Variants in STAG1 observed in about 807,000 individuals in gnomAD.
STAG1 encodes the protein STAG1 cohesin complex component.
Under a neutral mutation model 170.9 loss-of-function variants are expected in STAG1, and 26 were observed. That is an observed-to-expected ratio of 0.15 (90% CI 0.11 to 0.21). STAG1 has a LOEUF of 0.21. Ranked by LOEUF, STAG1 falls within the 10% of genes least tolerant of loss-of-function variation. STAG1 has a pLI of 1.00. For missense variants in STAG1, 964 were observed against 1,509.5 expected, an observed-to-expected ratio of 0.64 and a Z score of 5.99; for synonymous variants, 514 against 497.7, an observed-to-expected ratio of 1.03 and a Z score of -0.44.
intron 1 of STAG1, among the ~76,000 whole-genome samples, chr3:136,735,499 T>G (rs1934282939): frequency 6.6e-6 from 1 of 151,968 alleles, no homozygotes; most frequent in Admixed American, 6.6e-5. Context: ...TGCACTGGCA[T>G]GATCTCAGCT....
chr3:136,470,092 A>G (rs2089585196), intron 12 of STAG1, among the ~76,000 whole-genome samples: 1 of 152,276 alleles, frequency 6.6e-6, no homozygotes, highest in Admixed American at 6.5e-5. Context: ...CTTCATGTCT[A>G]AAACACCAAA....
chr3:136,440,131 A>G (rs931834876), intron 15 of STAG1, among the ~76,000 whole-genome samples: 6 of 152,122 alleles, frequency 3.9e-5, no homozygotes, highest in Admixed American at 3.9e-4. Context: ...GTCTTAATTT[A>G]TATATTTATT....
intron 5 of STAG1, among the ~76,000 whole-genome samples, chr3:136,552,234 A>T (rs941874966): frequency 5.9e-5 from 9 of 152,262 alleles, no homozygotes; most frequent in African/African-American, 2.2e-4. Context: ...TAAATATGCA[A>T]ATTATGCCAA....
intron 22 of STAG1, among the ~76,000 whole-genome samples, chr3:136,386,564 G>A (rs2086878747): frequency 6.6e-6 from 1 of 152,178 alleles, no homozygotes; most frequent in Non-Finnish European, 1.5e-5. Flanking sequence ...TACAGTCAGT[G>A]AGGAAAGGTA....
At chr3:136,541,975 T>C in intron 6 of STAG1, 144 bp downstream of exon 6, 1 of 629,474 alleles carries the variant, frequency 1.6e-6, no homozygotes, top group Admixed American at 3.1e-5. Context: ...ATTTTGGAAT[T>C]AGTACCACAG....
chr3:136,694,619 A>G (rs1242654557), intron 1 of STAG1, among the ~76,000 whole-genome samples: 1 of 152,048 alleles, frequency 6.6e-6, no homozygotes, highest in Non-Finnish European at 1.5e-5. Context: ...TCTTTAAAAA[A>G]AAAAAAAAAA....
chr3:136,531,511 A>G (rs1935364955), intron 6 of STAG1, among the ~76,000 whole-genome samples: 2 of 149,774 alleles, frequency 1.3e-5, no homozygotes, highest in South Asian at 4.3e-4. Context: ...GAACCAACCC[A>G]AATGTCCAAC....
chr3:136,551,210 A>AGAGT (rs58810636), intron 5 of STAG1, among the ~76,000 whole-genome samples: 580 of 24,086 alleles, frequency 0.024, 3 homozygotes, highest in African/African-American at 0.05. Flanking sequence ...AGAGAGAGTG[A>AGAGT]GAGAGAGAGA....
At chr3:136,615,330 T>C (rs1939530135) in intron 3 of STAG1, among the ~76,000 whole-genome samples, 1 of 149,436 alleles carries the variant, frequency 6.7e-6, no homozygotes, top group South Asian at 2.1e-4. Context: ...ATTAGGTTAG[T>C]TGAAGATACC....
intron 21 of STAG1, among the ~76,000 whole-genome samples, chr3:136,413,468 T>TA (rs2087686619): frequency 6.6e-6 from 1 of 151,264 alleles, no homozygotes; most frequent in African/African-American, 2.4e-5. Context: ...TTATTATTAT[T>TA]TTTTTTTGAG....
chr3:136,545,632 AAG>A lies in STAG1; in HGVS notation c.395-3439_395-3438del, dbSNP rs140679012. On this transcript the variant is annotated intron_variant, in intron 5 of 33. Transcript: ENST00000383202. ...AGGGGGTCTGGGGAAGAGGTAAAGA[AAG>A]AGACACTTTGATACCTTTCAAGCTT... Among the ~76,000 whole-genome samples the A allele has an allele frequency of 4.8e-3, 729 of 152,294 alleles. 8 individuals are homozygous for A. The highest frequency in any genetic ancestry group is 0.017 in the African/African-American group (711 of 41,558).
At chr3:136,349,457 T>G in intron 28 of STAG1, 94 bp from the exon 29 acceptor site, 1 of 893,198 alleles carries the variant, frequency 1.1e-6, no homozygotes, top group South Asian at 1.5e-5. Flanking sequence ...CTGCAGGTTC[T>G]GAAGAATACC....
At chr3:136,737,034 A>G in intron 1 of STAG1, 3 of 1,477,130 alleles carry the variant, frequency 2.0e-6, no homozygotes, top group South Asian at 1.1e-5. Flanking sequence ...TTATTTCTTC[A>G]TCTGTAACTT....
At chr3:136,686,170 C>T (rs749814217) in intron 1 of STAG1, among the ~76,000 whole-genome samples, 6 of 152,206 alleles carry the variant, frequency 3.9e-5, no homozygotes, top group Middle Eastern at 3.2e-3. Context: ...GCACTTTATG[C>T]TCTGAGTGTT....
chr3:136,432,650 G>A (rs1339693374), intron 16 of STAG1, among the ~76,000 whole-genome samples: 1 of 152,018 alleles, frequency 6.6e-6, no homozygotes, highest in Non-Finnish European at 1.5e-5. Flanking sequence ...GGAACTACAG[G>A]TGCATGCCAC....
At chr3:136,496,812 A>C (rs1933131508) in intron 9 of STAG1, among the ~76,000 whole-genome samples, 2 of 152,116 alleles carry the variant, frequency 1.3e-5, no homozygotes, top group African/African-American at 4.8e-5. Context: ...ATAGAAAACA[A>C]AAATAATAGA....
At chr3:136,542,496 A>G (rs140285490) in intron 5 of STAG1, among the ~76,000 whole-genome samples, 1 of 152,126 alleles carries the variant, frequency 6.6e-6, no homozygotes, top group African/African-American at 2.4e-5. Context: ...ATTGCTGATA[A>G]AAGTATATAA....
At chr3:136,470,950 A>G in intron 12 of STAG1, among the ~76,000 whole-genome samples, 1 of 141,646 alleles carries the variant, frequency 7.1e-6, no homozygotes, top group Non-Finnish European at 1.5e-5. Flanking sequence ...ACTTGGACGC[A>G]GGAAGGGGAC....
Position 136,338,351 on chromosome 3 carries a change from GTAA to G in STAG1, c.3753+16_3753+18del, listed in dbSNP as rs1205412076. ...ACCCAGGAACCATAAATAAAAAGCAGTAATAATTTGACATTTACTGAATCATCT... is the reference window on the plus strand; with the variant it reads ...ACCCAGGAACCATAAATAAAAAGCAGTAATTTGACATTTACTGAATCATCT... On this transcript the variant is annotated intron_variant, in intron 33 of 33. Transcript: ENST00000383202. 1 of 1,601,640 alleles carries G rather than the reference GTAA, an allele frequency of 6.2e-7. No individual in the cohort carries two copies.
Sources: gnomAD v4.1 joint callset for allele counts (sites outside exome capture counted in the v4.1 genomes callset) on GRCh38, gnomAD v4.1.1 for gene constraint, MANE v1.5 for transcripts, NCBI Gene and HGNC (gene_info 2026-07-23, HGNC 2026-07-21) for gene names.